The following ADGRV1 variants were observed in gnomAD, a reference collection of about 807,000 sequenced individuals.
ADGRV1 encodes G-protein coupled receptor 98.
In ADGRV1, 359 loss-of-function variants were observed where a neutral mutation model predicts 596.2. The observed-to-expected ratio is 0.60, with a 90% confidence interval of 0.55 to 0.66. The LOEUF (loss-of-function observed/expected upper bound fraction) is 0.66. Ranked by LOEUF, ADGRV1 falls within the 30% of genes least tolerant of loss-of-function variation. The pLI is 0.00. For missense variants in ADGRV1, 7,274 were observed against 7,575.6 expected, an observed-to-expected ratio of 0.96 and a Z score of 1.48; for synonymous variants, 2,681 against 2,679.2, an observed-to-expected ratio of 1.00 and a Z score of -0.02.
At chr5:90,901,816 A>G (rs980785223) in intron 83 of ADGRV1, among the ~76,000 whole-genome samples, 2 of 152,126 alleles carry the variant, frequency 1.3e-5, no homozygotes, top group African/African-American at 2.4e-5. Flanking sequence ...TAGCAATATC[A>G]TGGATTAAAT....
At chr5:90,562,818 G>A (rs1244790459) in intron 1 of ADGRV1, among the ~76,000 whole-genome samples, 1 of 152,188 alleles carries the variant, frequency 6.6e-6, no homozygotes, top group Non-Finnish European at 1.5e-5. Context: ...CTTTGAGAGA[G>A]ACAATAGCTC....
chr5:90,755,298 C>A, intron 55 of ADGRV1, 113 bp downstream of exon 55: 1 of 684,318 alleles, frequency 1.5e-6, no homozygotes, highest in Non-Finnish European at 2.4e-6. Context: ...TTCTTTTAAA[C>A]ATAAAAATGT....
At chr5:91,053,038 A>G (rs907125858) in intron 85 of ADGRV1, among the ~76,000 whole-genome samples, 1 of 152,184 alleles carries the variant, frequency 6.6e-6, no homozygotes, top group African/African-American at 2.4e-5. Context: ...TACACTTCCT[A>G]AGGCCCCTCC....
At chr5:90,888,330 T>G (rs1420284632) in intron 83 of ADGRV1, among the ~76,000 whole-genome samples, 2 of 152,178 alleles carry the variant, frequency 1.3e-5, no homozygotes, top group East Asian at 3.8e-4. Context: ...GCCTCATTAC[T>G]GCACTGTGAG....
chr5:91,088,869 A>T (rs1003314659), intron 86 of ADGRV1, among the ~76,000 whole-genome samples: 2 of 152,202 alleles, frequency 1.3e-5, no homozygotes, highest in Non-Finnish European at 2.9e-5. Flanking sequence ...TTGATAGTCT[A>T]TCATTGGGCA....
rs1196905996 is a variant in ADGRV1, at chr5:90,776,679, G to A, written c.12527+103G>A. On this transcript the variant is annotated intron_variant, in intron 61 of 89. Transcript: ENST00000405460. Reference sequence around the variant, plus strand: ...TTCTCAATACATACATAGTCTTCAAGCATTAACATTCTATATACTGTTAAC... The same window carrying A: ...TTCTCAATACATACATAGTCTTCAAACATTAACATTCTATATACTGTTAAC... 5 of 1,274,934 alleles carry A rather than the reference G, an allele frequency of 3.9e-6. No homozygotes were observed. In the African/African-American group the frequency reaches 5.9e-5, roughly 15 times the overall value. 79.0% of individuals were successfully genotyped at this position (1,274,934 alleles called of 1,614,324 possible). A position where few individuals can be genotyped will look rare whatever the true frequency, so the allele number is the denominator to read the frequency against.
chr5:90,569,905 A>G (rs985702163), intron 1 of ADGRV1, among the ~76,000 whole-genome samples: 1 of 152,064 alleles, frequency 6.6e-6, no homozygotes, highest in South Asian at 2.1e-4. Context: ...TATACAGTAT[A>G]TACTCTTTAG....
chr5:91,135,782 G>A (rs73189095), intron 87 of ADGRV1, among the ~76,000 whole-genome samples: 4,144 of 152,268 alleles, frequency 0.027, 165 homozygotes, highest in African/African-American at 0.086. Flanking sequence ...GAAGTTGATG[G>A]ATGATGATGT....
At chr5:90,922,646 C>T (rs750893320) in intron 83 of ADGRV1, among the ~76,000 whole-genome samples, 6 of 152,274 alleles carry the variant, frequency 3.9e-5, no homozygotes, top group African/African-American at 9.6e-5. Context: ...GCTGCTTTCC[C>T]GGTGTTATCA....
At position 91,157,275 on chromosome 5, in the gene ADGRV1, A is replaced by G. The variant is rs150408489; in HGVS notation, c.18802+3877A>G. On this transcript the variant is annotated intron_variant, in intron 89 of 89. Coordinates refer to ENST00000405460, the MANE Select transcript of ADGRV1 (RefSeq NM_032119.4). Reference sequence around the variant, plus strand: ...CTATGTAGCCTTTTGCATGTGTTTAAAAAGTTTTTCATAATCAGTTTAAAT... The same window carrying G: ...CTATGTAGCCTTTTGCATGTGTTTAGAAAGTTTTTCATAATCAGTTTAAAT... 4.3e-3 allele frequency among the ~76,000 whole-genome samples: 651 copies of G among 152,346 alleles called. 4 individuals carry two copies. Among genetic ancestry groups the G allele is most frequent in the African/African-American group, 0.015 (616 of 41,574 alleles).
At chr5:90,730,830 G>A (rs1238392722) in intron 50 of ADGRV1, among the ~76,000 whole-genome samples, 3 of 152,154 alleles carry the variant, frequency 2.0e-5, no homozygotes, top group African/African-American at 7.2e-5. Flanking sequence ...GGTGTCTAGA[G>A]AATTTGTGAG....
intron 1 of ADGRV1, among the ~76,000 whole-genome samples, chr5:90,580,490 G>A (rs563759565): frequency 1.9e-3 from 290 of 151,812 alleles, no homozygotes; most frequent in African/African-American, 6.5e-3. Context: ...GGCTTTGCTC[G>A]TTTTATTTTA....
intron 75 of ADGRV1, 73 bp downstream of exon 75, chr5:90,815,809 A>G (rs867774750): frequency 4.5e-6 from 4 of 883,090 alleles, no homozygotes; most frequent in African/African-American, 3.3e-5. Flanking sequence ...AATTCATACA[A>G]TGGTGGAGGG....
chr5:90,685,973 T>C lies in ADGRV1; in HGVS notation c.6468T>C (p.Ala2156=), dbSNP rs928810869. 6 of 1,588,462 alleles carry C rather than the reference T, an allele frequency of 3.8e-6. No individual in the cohort carries two copies. The highest frequency in any genetic ancestry group is 5.2e-6 in the Non-Finnish European group (6 of 1,164,720). ...CAGATGTCTCTGTGAAGTTTAAAGC[T>C]GTGCCAATAACTGCAATAGCTGGTA... ...AFADVSVKFK[A]VPITAIAGED... Residue 2156 remains alanine (A), a synonymous_variant, in exon 29 of 90, where the codon GCT becomes GCC. Coordinates refer to ENST00000405460, the MANE Select transcript of ADGRV1 (RefSeq NM_032119.4).
chr5:90,596,234 C>T (rs547986942), intron 1 of ADGRV1, among the ~76,000 whole-genome samples: 6 of 151,212 alleles, frequency 4.0e-5, no homozygotes, highest in South Asian at 2.1e-4. Context: ...GATGTGATGG[C>T]GGCCGGGAAG....
At chr5:90,808,876 A>G (rs1246736869) in intron 73 of ADGRV1, among the ~76,000 whole-genome samples, 1 of 152,140 alleles carries the variant, frequency 6.6e-6, no homozygotes, top group Non-Finnish European at 1.5e-5. Flanking sequence ...AGCCTGGGCA[A>G]CAGAGTGAGT....
At chr5:91,061,491 C>A (rs1164358319) in intron 85 of ADGRV1, among the ~76,000 whole-genome samples, 1 of 152,138 alleles carries the variant, frequency 6.6e-6, no homozygotes, top group South Asian at 2.1e-4. Flanking sequence ...GCAATTCTTC[C>A]TTATTAACCA....
intron 48 of ADGRV1, 61 bp downstream of exon 48, chr5:90,725,717 A>ACC: frequency 1.1e-6 from 1 of 921,454 alleles, no homozygotes; most frequent in Non-Finnish European, 1.7e-6. Context: ...ATTATAATTG[A>ACC]AATTTACCAA....
chr5:90,724,875 T>A lies in ADGRV1; in HGVS notation c.9792T>A (p.Asp3264Glu). The change falls in exon 46 of 90, where the codon GAT becomes GAA. Residue 3264 changes from aspartate (D) to glutamate (E), a missense_variant. Asp to Glu is a conservative substitution (Grantham distance 45). This residue lies in a region of ADGRV1 where 3,643 missense variants were observed against 3,809.2 expected (regional missense o/e 0.96). Transcript: ENST00000405460. ...VVFSVFQSFL[D>E]ESASGWCFFT... is the part of the protein sequence containing the mutation. ...TTTCCGTATTTCAAAGTTTTTTGGA[T>A]GAATCAGCTTCTGGCTGGTGTTTCT... 6.2e-7 allele frequency: 1 copy of A among 1,613,200 alleles called. No individual in the cohort carries two copies. The highest frequency in any genetic ancestry group is 8.5e-7 in the Non-Finnish European group (1 of 1,179,400).
Sources: gnomAD v4.1 joint callset for allele counts (sites outside exome capture counted in the v4.1 genomes callset) on GRCh38, gnomAD v4.1.1 for gene constraint, gnomAD v4.1.1 regional missense constraint, MANE v1.5 for transcripts, NCBI Gene and HGNC (gene_info 2026-07-23, HGNC 2026-07-21) for gene names.